FOCAD: variants seen among roughly 807,000 people sequenced by gnomAD.
FOCAD encodes focadhesin.
In FOCAD, 198 loss-of-function variants were observed where a neutral mutation model predicts 225.6. The ratio of observed to expected loss-of-function variants is 0.88; its 90% CI spans 0.78 to 0.99. FOCAD has a LOEUF of 0.99. Among genes scored for constraint, FOCAD ranks in the 50% least tolerant of loss-of-function variants. The pLI is 0.00. For missense variants in FOCAD, 2,713 were observed against 2,123.6 expected (o/e 1.28, Z -5.46); for synonymous variants, 897 against 755.0 (o/e 1.19, Z -3.08).
At chr9:20,975,218 A>T (rs1840125065) in intron 35 of FOCAD, among the ~76,000 whole-genome samples, 1 of 152,180 alleles carries the variant, frequency 6.6e-6, no homozygotes, top group Admixed American at 6.5e-5. Flanking sequence ...TCACGTTTAC[A>T]TGGCCCTTAA....
intron 19 of FOCAD, among the ~76,000 whole-genome samples, chr9:20,880,351 CAAGACTTTCAG>C (rs1161312739): frequency 6.6e-6 from 1 of 152,048 alleles, no homozygotes; most frequent in Non-Finnish European, 1.5e-5. Flanking sequence ...TAAGGGGAGC[CAAGACTTTCAG>C]AAGAGGAATG....
intron 11 of FOCAD, among the ~76,000 whole-genome samples, chr9:20,807,217 C>T (rs1822553325): frequency 1.3e-5 from 2 of 152,106 alleles, no homozygotes; most frequent in South Asian, 4.1e-4. Flanking sequence ...CTGTATATTC[C>T]AGGAGCGGTG....
intron 8 of FOCAD, among the ~76,000 whole-genome samples, chr9:20,773,984 T>TC (rs1818498469): frequency 6.6e-6 from 1 of 152,154 alleles, no homozygotes; most frequent in Admixed American, 6.5e-5. Flanking sequence ...CTGCCTAAAC[T>TC]CCATCTCCTG....
At chr9:20,943,577 T>C (rs1158448016) in intron 28 of FOCAD, among the ~76,000 whole-genome samples, 1 of 152,178 alleles carries the variant, frequency 6.6e-6, no homozygotes, top group Non-Finnish European at 1.5e-5. Context: ...CATTTGCACG[T>C]TGGGGGAAGT....
Position 20,866,308 on chromosome 9 carries a change from A to G in FOCAD, c.2106+332A>G, listed in dbSNP as rs187188662. Among the ~76,000 whole-genome samples, 3 of 152,068 alleles carry G rather than the reference A, an allele frequency of 2.0e-5. No individual in the cohort carries two copies. The East Asian group carries it at 5.8e-4, about 29-fold the overall frequency. ...CCAACAAGCATACCAAACAAACAAA[A>G]AGTCCAGTCCATTTTTTAGATGTTG... On this transcript the variant is annotated intron_variant, in intron 17 of 43. Coordinates refer to ENST00000338382, the MANE Select transcript of FOCAD (RefSeq NM_001375567.1).
intron 2 of FOCAD, among the ~76,000 whole-genome samples, chr9:20,678,007 T>C (rs1822286279): frequency 6.6e-6 from 1 of 152,232 alleles, no homozygotes; most frequent in Admixed American, 6.5e-5. Flanking sequence ...AGTTTTTATA[T>C]ATCCTTTGCT....
chr9:20,913,141 TACATACAC>T (rs1450061281), intron 23 of FOCAD, among the ~76,000 whole-genome samples, 187 bp downstream of exon 23: 14 of 100,496 alleles, frequency 1.4e-4, no homozygotes, highest in African/African-American at 4.8e-4. Context: ...TTATAAATTA[TACATACAC>T]ACACACACAC....
chr9:20,956,717 G>A (rs1450795343), intron 35 of FOCAD, among the ~76,000 whole-genome samples: 1 of 151,972 alleles, frequency 6.6e-6, no homozygotes, highest in East Asian at 1.9e-4. Flanking sequence ...GTTTCATGAG[G>A]TTTGTTTTCA....
intron 1 of FOCAD, among the ~76,000 whole-genome samples, chr9:20,698,646 T>G (rs982730331): frequency 1.3e-5 from 2 of 152,252 alleles, no homozygotes; most frequent in South Asian, 4.1e-4. Flanking sequence ...AGTGTTGGGA[T>G]TACAGGTGTG....
intron 26 of FOCAD, among the ~76,000 whole-genome samples, chr9:20,928,433 A>G (rs1204207329): frequency 6.6e-6 from 1 of 152,236 alleles, no homozygotes; most frequent in East Asian, 1.9e-4. Context: ...AATTAAAAAC[A>G]TATTTTAATG....
upstream of FOCAD, among the ~76,000 whole-genome samples, chr9:20,681,743 A>C (rs1822404040): frequency 6.6e-6 from 1 of 152,202 alleles, no homozygotes; most frequent in African/African-American, 2.4e-5. Flanking sequence ...AATAAATTAA[A>C]AGGTGAAATG....
chr9:20,779,722 C>G (rs566757102), intron 9 of FOCAD, among the ~76,000 whole-genome samples: 55 of 151,404 alleles, frequency 3.6e-4, no homozygotes, highest in Admixed American at 2.9e-3. Flanking sequence ...TGCACTCCAG[C>G]TTGGGCAACA....
chr9:20,718,716 T>C (rs1428963176), intron 3 of FOCAD, among the ~76,000 whole-genome samples: 3 of 152,184 alleles, frequency 2.0e-5, no homozygotes, highest in African/African-American at 4.8e-5. Flanking sequence ...TATAATCACA[T>C]TGTGTACTTT....
chr9:20,726,161 G>A (rs1045360287), intron 4 of FOCAD: 1 of 152,162 alleles, frequency 6.6e-6, no homozygotes, highest in Non-Finnish European at 1.5e-5. Context: ...AGTTTAGATT[G>A]TTTTTGGTTT....
chr9:20,776,391 G>T (rs1563976699), intron 8 of FOCAD, among the ~76,000 whole-genome samples: 1 of 152,196 alleles, frequency 6.6e-6, no homozygotes, highest in Admixed American at 6.5e-5. Context: ...AGTGTGCAAA[G>T]GGGATGTCTG....
At chr9:20,949,121 C>T (rs1837456202) in intron 32 of FOCAD, among the ~76,000 whole-genome samples, 193 bp downstream of exon 32, 1 of 152,094 alleles carries the variant, frequency 6.6e-6, no homozygotes. Flanking sequence ...GAGGTTTGTT[C>T]TTTATTTAAT....
rs2132321088 is a variant in FOCAD at position 20,944,537 on chromosome 9, T to G, written c.3408-90T>G. 9 of 1,438,096 alleles carry G rather than the reference T, an allele frequency of 6.3e-6. No individual in the cohort carries two copies. The East Asian group carries it at 1.9e-4, about 30-fold the overall frequency. The allele number at this position is 1,438,096 out of a possible 1,614,324, so 89.1% of individuals were successfully genotyped here. On this transcript the variant is annotated intron_variant, in intron 28 of 43. Transcript: ENST00000338382. Reference sequence around the variant, plus strand: ...TTTGAATCCAGCCATCTCACCAAGGTTTGAGAGCTCTGTAAACACCCGTGG... The same window carrying G: ...TTTGAATCCAGCCATCTCACCAAGGGTTGAGAGCTCTGTAAACACCCGTGG...
intron 11 of FOCAD, among the ~76,000 whole-genome samples, chr9:20,791,219 G>C (rs1369700225): frequency 9.4e-6 from 1 of 106,718 alleles, no homozygotes; most frequent in Non-Finnish European, 2.0e-5. Context: ...ATATATGCAT[G>C]CACACACACA....
chr9:20,878,346 A>G (rs1033191775), intron 19 of FOCAD, among the ~76,000 whole-genome samples: 3 of 152,240 alleles, frequency 2.0e-5, no homozygotes, highest in Non-Finnish European at 2.9e-5. Flanking sequence ...TGTGAACTGT[A>G]CTTGTATTTG....
Sources: allele counts gnomAD v4.1 joint callset (sites outside exome capture counted in the v4.1 genomes callset), GRCh38; gene constraint gnomAD v4.1.1; transcripts MANE v1.5; gene names NCBI Gene and HGNC (gene_info 2026-07-23, HGNC 2026-07-21).